ZDHHC2: variants seen among roughly 807,000 people sequenced by gnomAD.
The protein encoded by ZDHHC2 is zDHHC palmitoyltransferase 2, also known as palmitoyltransferase ZDHHC2.
ZDHHC2 carries 51 observed loss-of-function variants against 55.6 expected under a neutral mutation model. The ratio of observed to expected loss-of-function variants is 0.92; its 90% CI spans 0.73 to 1.16. The LOEUF (loss-of-function observed/expected upper bound fraction) is 1.16. Among genes scored for constraint, ZDHHC2 ranks in the 50% most tolerant of loss-of-function variants. The pLI, the probability that ZDHHC2 is intolerant of heterozygous loss-of-function variation, is 0.00. For missense variants in ZDHHC2, 491 were observed against 442.4 expected (o/e 1.11, Z -0.99); for synonymous variants, 199 against 152.9 (o/e 1.30, Z -2.22).
At chr8:17,201,481 CTTTTTTTTTTTTTTT>C (rs1171396792) in intron 6 of ZDHHC2, among the ~76,000 whole-genome samples, 1 of 24,310 alleles carries the variant, frequency 4.1e-5, no homozygotes, top group Non-Finnish European at 9.0e-5. Flanking sequence ...CTCTCTCTCT[CTTTTTTTTTTTTTTT>C]TTTTTTTTTT....
At chr8:17,174,914 A>G (rs1002661688) in intron 1 of ZDHHC2, among the ~76,000 whole-genome samples, 5 of 150,960 alleles carry the variant, frequency 3.3e-5, no homozygotes, top group African/African-American at 9.7e-5. Context: ...TTTAGTAGAG[A>G]CAGAGTTTTA....
At chr8:17,205,159 T>C (rs1807037508) in intron 6 of ZDHHC2, among the ~76,000 whole-genome samples, 1 of 152,242 alleles carries the variant, frequency 6.6e-6, no homozygotes, top group African/African-American at 2.4e-5. Context: ...ACTTCTTTTC[T>C]TAAAGCTCCC....
chr8:17,207,234 G>A (rs1246899911), intron 7 of ZDHHC2, among the ~76,000 whole-genome samples: 1 of 152,200 alleles, frequency 6.6e-6, no homozygotes, highest in Non-Finnish European at 1.5e-5. Flanking sequence ...GGCAGCCATG[G>A]TGCTTCGATA....
intron 3 of ZDHHC2, among the ~76,000 whole-genome samples, chr8:17,190,439 G>C (rs1805959409): frequency 6.6e-6 from 1 of 152,066 alleles, no homozygotes; most frequent in Non-Finnish European, 1.5e-5. Context: ...AAAACGCAAG[G>C]TCTTGGGCTA....
At chr8:17,189,229 T>G (rs1805897034) in intron 3 of ZDHHC2, among the ~76,000 whole-genome samples, 1 of 151,832 alleles carries the variant, frequency 6.6e-6, no homozygotes, top group Non-Finnish European at 1.5e-5. Flanking sequence ...TTTTGATGTC[T>G]TTATACAAAT....
Position 17,223,929 on chromosome 8 carries a change from A to T in ZDHHC2, c.*3708A>T, listed in dbSNP as rs1808020112. On this transcript the variant is annotated 3_prime_UTR_variant, in exon 13 of 13. Transcript: ENST00000262096. ...TGGACATCACTGAAAGGATGAAATC[A>T]AGTAGGCTTGTTTCAAAGAGACTCC... 1 of 151,780 alleles carries T rather than the reference A, an allele frequency of 6.6e-6. No individual in the cohort carries two copies. The highest frequency in any genetic ancestry group is 6.6e-5 in the Admixed American group (1 of 15,208). The allele number at this position is 151,780 out of a possible 1,614,324, so 9.4% of individuals were successfully genotyped here.
At chr8:17,183,652 A>C (rs909278737) in intron 1 of ZDHHC2, among the ~76,000 whole-genome samples, 2 of 152,210 alleles carry the variant, frequency 1.3e-5, no homozygotes, top group Non-Finnish European at 2.9e-5. Flanking sequence ...GGGACACTAT[A>C]ACATCAAATA....
At chr8:17,210,949 T>C (rs1807354598) in intron 10 of ZDHHC2, among the ~76,000 whole-genome samples, 1 of 152,100 alleles carries the variant, frequency 6.6e-6, no homozygotes, top group Non-Finnish European at 1.5e-5. Flanking sequence ...TATTATGGAC[T>C]TAGTGCCCTT....
At chr8:17,163,240 C>T (rs1186581252) in intron 1 of ZDHHC2, among the ~76,000 whole-genome samples, 1 of 152,216 alleles carries the variant, frequency 6.6e-6, no homozygotes, top group Non-Finnish European at 1.5e-5. Flanking sequence ...CCGGTCACCA[C>T]AGAACACTGG....
chr8:17,203,708 A>T (rs757862333), intron 6 of ZDHHC2, among the ~76,000 whole-genome samples: 1 of 152,146 alleles, frequency 6.6e-6, no homozygotes, highest in African/African-American at 2.4e-5. Flanking sequence ...ATAAAAGGCA[A>T]CCTCAGCAAC....
rs1184342063 is a variant in ZDHHC2, at chr8:17,224,368, T to G, written c.*4147T>G. The G allele has an allele frequency of 3.3e-5, 5 of 151,728 alleles. No homozygotes were observed. Among genetic ancestry groups the G allele is most frequent in the Non-Finnish European group, 1.5e-5 (1 of 67,712 alleles). The allele number at this position is 151,728 out of a possible 1,614,324, so 9.4% of individuals were successfully genotyped here. ...AGGCTAATCATCTGAGTGATTTGAG[T>G]AGCAATTAAACCAAAGGGAAACTTT... On this transcript the variant is annotated 3_prime_UTR_variant, in exon 13 of 13. Transcript: ENST00000262096.
chr8:17,199,547 G>GTCTTCGTCTTCGTCT (rs1806571172), intron 6 of ZDHHC2, among the ~76,000 whole-genome samples: 3 of 19,960 alleles, frequency 1.5e-4, no homozygotes, highest in Non-Finnish European at 2.3e-4. Flanking sequence ...TTCGTCTTCT[G>GTCTTCGTCTTCGTCT]TCTTCGTCTT....
chr8:17,209,597 T>G (rs1266244260), intron 8 of ZDHHC2, among the ~76,000 whole-genome samples: 1 of 152,156 alleles, frequency 6.6e-6, no homozygotes, highest in Non-Finnish European at 1.5e-5. Flanking sequence ...AGATCTATGT[T>G]TATGGATCCA....
chr8:17,165,328 A>G (rs761369861), intron 1 of ZDHHC2, among the ~76,000 whole-genome samples: 12 of 152,218 alleles, frequency 7.9e-5, no homozygotes, highest in Non-Finnish European at 1.8e-4. Context: ...GTGATTAGCC[A>G]GGGCATCTTC....
At chr8:17,205,804 T>C in intron 7 of ZDHHC2, 29 bp downstream of exon 7, 1 of 1,580,974 alleles carries the variant, frequency 6.3e-7, no homozygotes, top group Non-Finnish European at 8.6e-7. Flanking sequence ...AACTCTTTTT[T>C]TGGTATACAA....
At position 17,223,839 on chromosome 8, in the gene ZDHHC2, T is replaced by A. The variant is rs1337741633; in HGVS notation, c.*3618T>A. ...TTAAACCTTATAATGTTGCAAACCA[T>A]GCATTTTCCTTTTCTCTTTTCCATA... is the stretch of plus-strand genomic sequence containing the variant. On this transcript the variant is annotated 3_prime_UTR_variant, in exon 13 of 13. Transcript: ENST00000262096. 6.6e-6 allele frequency: 1 copy of A among 151,812 alleles called. No homozygotes were observed. The highest frequency in any genetic ancestry group is 1.5e-5 in the Non-Finnish European group (1 of 67,744). 9.4% of individuals were successfully genotyped at this position (151,812 alleles called of 1,614,324 possible). A position where few individuals can be genotyped will look rare whatever the true frequency, so the allele number is the denominator to read the frequency against.
At chr8:17,205,796 C>G in intron 7 of ZDHHC2, 21 bp downstream of exon 7, 1 of 1,584,290 alleles carries the variant, frequency 6.3e-7, no homozygotes, top group Non-Finnish European at 8.5e-7. Flanking sequence ...AACTTGGTAA[C>G]TCTTTTTTTG....
chr8:17,197,361 C>T lies in ZDHHC2; in HGVS notation c.374-221C>T, dbSNP rs537164569. ...AATTGAAAAAGCATCAGAAAAATTT[C>T]CTTAGGAGGTTCTCTCTTCTGGTTA... On this transcript the variant is annotated intron_variant, in intron 4 of 12. Coordinates refer to ENST00000262096, the MANE Select transcript of ZDHHC2 (RefSeq NM_016353.5). Among the ~76,000 whole-genome samples the T allele has an allele frequency of 3.9e-5, 6 of 152,268 alleles. 1 individual carries two copies. In the South Asian group the frequency reaches 8.3e-4, roughly 21 times the overall value.
At chr8:17,174,558 T>C (rs1471992697) in intron 1 of ZDHHC2, among the ~76,000 whole-genome samples, 1 of 152,188 alleles carries the variant, frequency 6.6e-6, no homozygotes, top group African/African-American at 2.4e-5. Context: ...AATAGTGTTA[T>C]GCAGAAGCTT....
Sources: allele counts gnomAD v4.1 joint callset (sites outside exome capture counted in the v4.1 genomes callset), GRCh38; gene constraint gnomAD v4.1.1; transcripts MANE v1.5; gene names NCBI Gene and HGNC (gene_info 2026-07-23, HGNC 2026-07-21).